The following MACROD2 variants were observed in gnomAD, a reference collection of about 807,000 sequenced individuals.
The protein encoded by MACROD2 is mono-ADP ribosylhydrolase 2, also known as ADP-ribose glycohydrolase MACROD2.
Under a neutral mutation model 70.4 loss-of-function variants are expected in MACROD2, and 36 were observed. That is an observed-to-expected ratio of 0.51 (90% confidence interval 0.39 to 0.68). The LOEUF is 0.68. MACROD2 is among the 30% of genes least tolerant of loss of function. The pLI is 0.00. For missense variants in MACROD2, 496 were observed against 538.4 expected (o/e 0.92, Z 0.78); for synonymous variants, 172 against 178.8 (o/e 0.96, Z 0.30).
chr20:15,067,370 G>A (rs776211067), intron 5 of MACROD2, among the ~76,000 whole-genome samples: 4 of 152,130 alleles, frequency 2.6e-5, no homozygotes, highest in African/African-American at 7.2e-5. Context: ...TTGTTTTTGA[G>A]ATGGAGTCTC....
intron 5 of MACROD2, among the ~76,000 whole-genome samples, chr20:15,222,248 A>G (rs1037032218): frequency 6.6e-6 from 1 of 152,204 alleles, no homozygotes; most frequent in Non-Finnish European, 1.5e-5. Flanking sequence ...GTTGAAGTAC[A>G]TTTTCAATGA....
rs1200835605 is a variant in MACROD2 at position 14,135,021 on chromosome 20, G to C, written c.271+49293G>C. On this transcript the variant is annotated intron_variant, in intron 3 of 17. Transcript: ENST00000684519. ...AAAGCAACTATGTTTAATTATTTCA[G>C]GGTTTCATATAACTTTTGAAAAATT... 2.6e-5 allele frequency among the ~76,000 whole-genome samples: 4 copies of C among 152,012 alleles called. No homozygotes were observed. The East Asian group carries it at 5.8e-4, about 22-fold the overall frequency.
intron 5 of MACROD2, among the ~76,000 whole-genome samples, chr20:14,710,077 T>C (rs1472966741): frequency 1.3e-5 from 2 of 152,206 alleles, no homozygotes; most frequent in East Asian, 3.8e-4. Context: ...AAAGCAAATT[T>C]GTATAGAAGA....
At chr20:15,234,003 A>ATATATATG (rs2076986143) in intron 6 of MACROD2, among the ~76,000 whole-genome samples, 1 of 57,020 alleles carries the variant, frequency 1.8e-5, no homozygotes, top group Admixed American at 2.7e-4. Context: ...ATATATATAT[A>ATATATATG]TATATATTCT....
intron 8 of MACROD2, among the ~76,000 whole-genome samples, chr20:15,753,626 A>C (rs1453149159): frequency 6.6e-6 from 1 of 152,220 alleles, no homozygotes. Context: ...TTTTGGATAC[A>C]TACCAAGTAA....
intron 5 of MACROD2, among the ~76,000 whole-genome samples, chr20:14,744,969 T>A (rs1409507987): frequency 2.0e-5 from 3 of 152,178 alleles, no homozygotes; most frequent in Non-Finnish European, 2.9e-5. Flanking sequence ...CAGCAATAGA[T>A]AACCACTGTA....
At chr20:14,130,606 A>C (rs2054704878) in intron 3 of MACROD2, among the ~76,000 whole-genome samples, 1 of 152,170 alleles carries the variant, frequency 6.6e-6, no homozygotes, top group African/African-American at 2.4e-5. Context: ...TCATTATAGC[A>C]GCATATTCCC....
At chr20:14,378,544 C>T (rs1284608381) in intron 3 of MACROD2, among the ~76,000 whole-genome samples, 2 of 152,210 alleles carry the variant, frequency 1.3e-5, no homozygotes, top group Admixed American at 6.5e-5. Flanking sequence ...ATCTCTCTTC[C>T]CTTACTCCCA....
intron 6 of MACROD2, among the ~76,000 whole-genome samples, chr20:15,351,238 T>C (rs968623705): frequency 1.3e-5 from 2 of 152,158 alleles, no homozygotes; most frequent in Non-Finnish European, 2.9e-5. Flanking sequence ...AGGCTGGTTG[T>C]TGCCATAGGC....
chr20:15,012,146 C>T (rs1347012901), intron 5 of MACROD2, among the ~76,000 whole-genome samples: 1 of 152,138 alleles, frequency 6.6e-6, no homozygotes, highest in Non-Finnish European at 1.5e-5. Flanking sequence ...TTTCAAAATA[C>T]TTTGTCATTA....
At chr20:14,325,972 G>C in intron 3 of MACROD2, 1 of 1,613,918 alleles carries the variant, frequency 6.2e-7, no homozygotes, top group South Asian at 1.1e-5. Context: ...TCGATTGAGG[G>C]TGGTTGTAGG....
chr20:15,563,436 T>C (rs532505877), intron 8 of MACROD2, among the ~76,000 whole-genome samples: 115 of 152,330 alleles, frequency 7.5e-4, no homozygotes, highest in African/African-American at 2.7e-3. Flanking sequence ...TAGAAAGCCT[T>C]TCTCTAAACA....
intron 3 of MACROD2, among the ~76,000 whole-genome samples, chr20:14,451,777 A>G (rs1237810494): frequency 6.6e-6 from 1 of 152,178 alleles, no homozygotes; most frequent in African/African-American, 2.4e-5. Context: ...CCAAGGGAAT[A>G]TGGGAGGAGC....
chr20:14,137,622 A>G (rs968382762), intron 3 of MACROD2, among the ~76,000 whole-genome samples: 1 of 152,208 alleles, frequency 6.6e-6, no homozygotes, highest in African/African-American at 2.4e-5. Context: ...ATCATATACA[A>G]CAATCAACTC....
chr20:15,317,036 A>C (rs1600234028), intron 6 of MACROD2, among the ~76,000 whole-genome samples: 1 of 152,176 alleles, frequency 6.6e-6, no homozygotes, highest in Middle Eastern at 3.4e-3. Context: ...ACATACACAA[A>C]CTTACAGGAT....
At chr20:15,104,955 C>G (rs2075899993) in intron 5 of MACROD2, among the ~76,000 whole-genome samples, 2 of 152,058 alleles carry the variant, frequency 1.3e-5, no homozygotes, top group African/African-American at 4.8e-5. Context: ...CTATACTATT[C>G]TTTTCCTTCT....
chr20:15,185,985 C>T (rs2076532247), intron 5 of MACROD2, among the ~76,000 whole-genome samples: 1 of 152,072 alleles, frequency 6.6e-6, no homozygotes, highest in African/African-American at 2.4e-5. Flanking sequence ...AAACTTGGAG[C>T]CATTTATGTC....
intron 8 of MACROD2, among the ~76,000 whole-genome samples, chr20:15,820,989 C>T (rs2063932412): frequency 6.6e-6 from 1 of 152,132 alleles, no homozygotes. Context: ...TTCTGAGAGG[C>T]TAGCATTTAC....
intron 5 of MACROD2, among the ~76,000 whole-genome samples, chr20:14,965,048 T>G (rs1479014329): frequency 6.6e-6 from 1 of 152,220 alleles, no homozygotes; most frequent in Non-Finnish European, 1.5e-5. Context: ...ATGTTTAGTG[T>G]CGGCAAAGGT....
Sources: allele counts gnomAD v4.1 joint callset (sites outside exome capture counted in the v4.1 genomes callset), GRCh38; gene constraint gnomAD v4.1.1; transcripts MANE v1.5; gene names NCBI Gene and HGNC (gene_info 2026-07-23, HGNC 2026-07-21).